Variants in TOX3 observed in about 807,000 individuals in gnomAD.
TOX3 encodes CAG trinucleotide repeat-containing gene F9 protein.
A neutral mutation model predicts 64.3 loss-of-function variants in TOX3; 22 were observed. The observed-to-expected ratio is 0.34, with a 90% CI of 0.24 to 0.49. TOX3 has a LOEUF of 0.49. TOX3 is among the 20% of genes least tolerant of loss of function. TOX3 has a pLI of 0.99. For synonymous variants in TOX3, 291 were observed against 273.6 expected, an observed-to-expected ratio of 1.06 and a Z score of -0.63; for missense variants, 661 against 714.4, an observed-to-expected ratio of 0.93 and a Z score of 0.85.
At chr16:52,527,479 T>C (rs931279029) in intron 1 of TOX3, among the ~76,000 whole-genome samples, 1 of 152,304 alleles carries the variant, frequency 6.6e-6, no homozygotes, top group African/African-American at 2.4e-5. Flanking sequence ...AACAAAGATC[T>C]TCTCTTCTCA....
chr16:52,512,207 T>C (rs929530499), intron 1 of TOX3, among the ~76,000 whole-genome samples: 5 of 152,226 alleles, frequency 3.3e-5, no homozygotes, highest in Non-Finnish European at 5.9e-5. Context: ...CACATAAATA[T>C]TGGCTCAAAT....
chr16:52,513,786 C>T (rs1191511585), intron 1 of TOX3, among the ~76,000 whole-genome samples: 1 of 152,090 alleles, frequency 6.6e-6, no homozygotes, highest in Non-Finnish European at 1.5e-5. Context: ...ATAAAAATAC[C>T]TAGTGATTGT....
intron 1 of TOX3, among the ~76,000 whole-genome samples, chr16:52,537,878 T>TAAAAAAAAAAAAAAAAAA (rs57403617): frequency 9.9e-5 from 11 of 111,022 alleles, no homozygotes; most frequent in Non-Finnish European, 1.5e-4. Context: ...GCTGATATGA[T>TAAAAAAAAAAAAAAAAAA]AAAAAAAAAA....
chr16:52,516,760 G>A (rs566487173), intron 1 of TOX3, among the ~76,000 whole-genome samples: 1 of 152,096 alleles, frequency 6.6e-6, no homozygotes, highest in African/African-American at 2.4e-5. Flanking sequence ...CTGGGGGTAG[G>A]GGATTAACTG....
At chr16:52,543,451 T>C (rs574401375) in intron 1 of TOX3, among the ~76,000 whole-genome samples, 1 of 152,328 alleles carries the variant, frequency 6.6e-6, no homozygotes, top group Non-Finnish European at 1.5e-5. Flanking sequence ...ATTCTGTGTA[T>C]TGTTTTCTTA....
At chr16:52,462,786 C>T (rs1029222663) in intron 3 of TOX3, among the ~76,000 whole-genome samples, 1 of 151,454 alleles carries the variant, frequency 6.6e-6, no homozygotes, top group African/African-American at 2.4e-5. Context: ...TGTCTAGTAA[C>T]GTTTATGAAT....
chr16:52,441,838 C>T (rs1959999908), intron 6 of TOX3, among the ~76,000 whole-genome samples: 1 of 152,100 alleles, frequency 6.6e-6, no homozygotes, highest in Non-Finnish European at 1.5e-5. Flanking sequence ...GGCAGCTCTC[C>T]ACATTACAAA....
At chr16:52,543,128 C>T (rs1490392735) in intron 1 of TOX3, among the ~76,000 whole-genome samples, 1 of 152,158 alleles carries the variant, frequency 6.6e-6, no homozygotes, top group Non-Finnish European at 1.5e-5. Context: ...TTGTTAACAA[C>T]CCACTGTATG....
chr16:52,498,592 G>C (rs550089572), intron 1 of TOX3, among the ~76,000 whole-genome samples: 25 of 152,240 alleles, frequency 1.6e-4, no homozygotes, highest in East Asian at 7.7e-4. Context: ...TGGGGTTGGG[G>C]GGGGGAGGCT....
At chr16:52,492,494 G>GAT (rs66977521) in intron 1 of TOX3, among the ~76,000 whole-genome samples, 3 of 132,480 alleles carry the variant, frequency 2.3e-5, no homozygotes, top group East Asian at 2.2e-4. Flanking sequence ...TATAATATAT[G>GAT]ATATATATAT....
At chr16:52,477,223 G>T (rs1961232876) in intron 1 of TOX3, among the ~76,000 whole-genome samples, 1 of 152,164 alleles carries the variant, frequency 6.6e-6, no homozygotes, top group Admixed American at 6.5e-5. Flanking sequence ...ACAAAGCAGA[G>T]AGCAATTTGG....
intron 2 of TOX3, among the ~76,000 whole-genome samples, chr16:52,467,705 T>C (rs1960910187): frequency 1.3e-5 from 2 of 152,208 alleles, no homozygotes; most frequent in South Asian, 4.1e-4. Context: ...TAGGAAACCA[T>C]GTTTTATCTA....
intron 1 of TOX3, among the ~76,000 whole-genome samples, chr16:52,526,393 C>T (rs1331112273): frequency 6.6e-6 from 1 of 152,132 alleles, no homozygotes; most frequent in Non-Finnish European, 1.5e-5. Flanking sequence ...AAGAGATTAC[C>T]CTTCCAACAA....
chr16:52,505,845 A>C (rs1281953483), intron 1 of TOX3, among the ~76,000 whole-genome samples: 1 of 152,042 alleles, frequency 6.6e-6, no homozygotes, highest in African/African-American at 2.4e-5. Context: ...GCATGGTGGC[A>C]CATGCCTGTA....
intron 6 of TOX3, among the ~76,000 whole-genome samples, chr16:52,440,948 G>C (rs1017212465): frequency 6.6e-6 from 1 of 151,550 alleles, no homozygotes; most frequent in East Asian, 1.9e-4. Context: ...TTTTTTAGTA[G>C]AGACAGGGTT....
intron 1 of TOX3, among the ~76,000 whole-genome samples, chr16:52,544,235 C>A (rs906927654): frequency 6.6e-5 from 10 of 152,198 alleles, no homozygotes; most frequent in African/African-American, 2.4e-4. Context: ...AACAGCACCA[C>A]TTCAGACACA....
chr16:52,475,789 G>T (rs1232391036), intron 1 of TOX3: 2 of 152,032 alleles, frequency 1.3e-5, no homozygotes, highest in South Asian at 2.1e-4. Flanking sequence ...CAAGTGTTGT[G>T]CTAAGGACTG....
intron 1 of TOX3, among the ~76,000 whole-genome samples, chr16:52,534,303 C>G (rs533565559): frequency 8.5e-5 from 13 of 152,064 alleles, no homozygotes; most frequent in South Asian, 4.2e-4. Flanking sequence ...GTAGTAGTGG[C>G]AAGCATAGCT....
intron 1 of TOX3, among the ~76,000 whole-genome samples, chr16:52,520,797 T>C (rs1962590608): frequency 6.6e-6 from 1 of 152,210 alleles, no homozygotes; most frequent in Non-Finnish European, 1.5e-5. Flanking sequence ...TGCAAATGTG[T>C]AACCCTAAAC....
Sources: allele counts gnomAD v4.1 joint callset (sites outside exome capture counted in the v4.1 genomes callset), GRCh38; gene constraint gnomAD v4.1.1; transcripts MANE v1.5; gene names NCBI Gene and HGNC (gene_info 2026-07-23, HGNC 2026-07-21).